Variants in PLPP4 observed in about 807,000 individuals in gnomAD.
PLPP4 encodes diacylglycerol pyrophosphate like 2.
Under a neutral mutation model 32.2 loss-of-function variants are expected in PLPP4, and 20 were observed. That is an observed-to-expected ratio of 0.62 (90% CI 0.44 to 0.90). PLPP4 has a LOEUF of 0.90. PLPP4 is among the 40% of genes least tolerant of loss of function. The probability of loss-of-function intolerance (pLI) is 0.00; values close to 1 mark genes in which losing one functional copy is unlikely to be tolerated. For synonymous variants in PLPP4, 127 were observed against 133.0 expected (o/e 0.95, Z 0.31); for missense variants, 257 against 353.1 (o/e 0.73, Z 2.18).
At chr10:120,521,612 A>G (rs567033850) in intron 5 of PLPP4, among the ~76,000 whole-genome samples, 1 of 152,346 alleles carries the variant, frequency 6.6e-6, no homozygotes, top group South Asian at 2.1e-4. Flanking sequence ...AATACTGTGA[A>G]TCAGAAGCCG....
intron 5 of PLPP4, among the ~76,000 whole-genome samples, chr10:120,573,190 A>G (rs2134047181): frequency 6.6e-6 from 1 of 152,314 alleles, no homozygotes; most frequent in African/African-American, 2.4e-5. Context: ...GAGGGTGCTA[A>G]TCATTACGCA....
intron 1 of PLPP4, among the ~76,000 whole-genome samples, chr10:120,494,171 A>G (rs374488626): frequency 6.6e-6 from 1 of 152,188 alleles, no homozygotes; most frequent in Admixed American, 6.5e-5. Context: ...ACAAGACATA[A>G]CATTGGGCCT....
upstream of PLPP4, chr10:120,457,056 C>T (rs1362016036): frequency 3.7e-5 from 7 of 189,644 alleles, 1 homozygote; most frequent in Admixed American, 6.2e-5. Context: ...GCCCCGGCTC[C>T]GCACTAGGAG....
At chr10:120,576,380 C>T (rs1421744300) in intron 6 of PLPP4, among the ~76,000 whole-genome samples, 2 of 152,156 alleles carry the variant, frequency 1.3e-5, no homozygotes, top group Non-Finnish European at 2.9e-5. Flanking sequence ...GCAGGACTGC[C>T]CTCTTCCTAC....
intron 1 of PLPP4, among the ~76,000 whole-genome samples, chr10:120,461,299 T>C (rs1848035818): frequency 1.3e-5 from 2 of 152,226 alleles, no homozygotes; most frequent in South Asian, 4.1e-4. Context: ...TTTTTGGCTG[T>C]CATCTCCCAG....
intron 5 of PLPP4, among the ~76,000 whole-genome samples, chr10:120,525,550 C>T (rs1437515693): frequency 6.6e-6 from 1 of 152,158 alleles, no homozygotes; most frequent in Non-Finnish European, 1.5e-5. Flanking sequence ...CGTTTTCCTC[C>T]AGGATGAAGG....
chr10:120,531,324 TC>T (rs1308452376), intron 5 of PLPP4, among the ~76,000 whole-genome samples: 1 of 152,188 alleles, frequency 6.6e-6, no homozygotes, highest in African/African-American at 2.4e-5. Flanking sequence ...CAGGATAGTC[TC>T]GATCTCTTGA....
chr10:120,539,673 G>T (rs1847243569), intron 5 of PLPP4, among the ~76,000 whole-genome samples: 1 of 152,032 alleles, frequency 6.6e-6, no homozygotes, highest in African/African-American at 2.4e-5. Context: ...TTTTCAGAAG[G>T]TAAAAGTTAT....
intron 2 of PLPP4, among the ~76,000 whole-genome samples, chr10:120,510,659 C>T (rs1571100): frequency 0.98 from 149,621 of 152,280 alleles, 73,540 homozygotes; most frequent in East Asian, 1. Context: ...GCTTACTCGC[C>T]TCATTCCTCC....
At chr10:120,501,930 A>G (rs939737955) in intron 1 of PLPP4, among the ~76,000 whole-genome samples, 1 of 152,188 alleles carries the variant, frequency 6.6e-6, no homozygotes, top group African/African-American at 2.4e-5. Flanking sequence ...AGCATGGAGT[A>G]GCTCAGTTGG....
Position 120,476,963 on chromosome 10 carries a change from C to T in PLPP4, c.56+19602C>T, listed in dbSNP as rs1843952788. On this transcript the variant is annotated intron_variant, in intron 1 of 6. Coordinates refer to ENST00000398250, the MANE Select transcript of PLPP4 (RefSeq NM_001030059.3). ...TTCCCTCTCCCAATGGTCTTCTTGT[C>T]ACCCTGACCTTGTCTTGCCTGTGAG... Among the ~76,000 whole-genome samples, 7 of 152,306 alleles carry T rather than the reference C, an allele frequency of 4.6e-5. No individual in the cohort carries two copies. In the South Asian group the frequency reaches 1.4e-3, roughly 32 times the overall value.
At chr10:120,502,978 A>G (rs1171362302) in intron 1 of PLPP4, among the ~76,000 whole-genome samples, 1 of 152,144 alleles carries the variant, frequency 6.6e-6, no homozygotes, top group Non-Finnish European at 1.5e-5. Context: ...ACTCCTGCCC[A>G]CAGGTTCTCC....
intron 1 of PLPP4, among the ~76,000 whole-genome samples, chr10:120,476,953 G>A (rs1415732204): frequency 6.6e-6 from 1 of 152,014 alleles, no homozygotes; most frequent in African/African-American, 2.4e-5. Context: ...TCTCCCAATG[G>A]TCTTCTTGTC....
chr10:120,520,918 TC>T (rs1287196001), intron 4 of PLPP4, 52 bp from the exon 5 acceptor site: 1 of 1,605,130 alleles, frequency 6.2e-7, no homozygotes, highest in African/African-American at 1.3e-5. Flanking sequence ...CAGCTTGGGG[TC>T]ATTTGTGATG....
At position 120,579,230 on chromosome 10, in the gene PLPP4, T is replaced by C. The variant is rs1199785007; in HGVS notation, c.616+3929T>C. On this transcript the variant is annotated intron_variant, in intron 6 of 6. Transcript: ENST00000398250. ...AAACACTTGTTCCTCTAATCATAGGTCATTTTAAGCAGCCCTGGGTGCCTG... is the reference window on the plus strand; with the variant it reads ...AAACACTTGTTCCTCTAATCATAGGCCATTTTAAGCAGCCCTGGGTGCCTG... Among the ~76,000 whole-genome samples the C allele has an allele frequency of 2.0e-5, 3 of 152,256 alleles. No individual in the cohort carries two copies. The East Asian group carries it at 5.8e-4, about 29-fold the overall frequency.
intron 5 of PLPP4, among the ~76,000 whole-genome samples, chr10:120,556,002 C>G (rs1005697818): frequency 4.6e-5 from 7 of 152,218 alleles, no homozygotes; most frequent in African/African-American, 1.7e-4. Context: ...CAGGACTGCC[C>G]CCCTCTGCTT....
chr10:120,537,277 A>T (rs1419348101), intron 5 of PLPP4, among the ~76,000 whole-genome samples: 1 of 152,246 alleles, frequency 6.6e-6, no homozygotes, highest in Non-Finnish European at 1.5e-5. Context: ...TAGCCAAGAT[A>T]TGGAAACACC....
intron 5 of PLPP4, among the ~76,000 whole-genome samples, chr10:120,525,222 C>T (rs914349369): frequency 1.3e-5 from 2 of 152,158 alleles, no homozygotes; most frequent in African/African-American, 2.4e-5. Flanking sequence ...TATTTATTAT[C>T]TGGCCCTTTA....
chr10:120,566,057 C>G (rs1367972835), intron 5 of PLPP4, among the ~76,000 whole-genome samples: 1 of 151,852 alleles, frequency 6.6e-6, no homozygotes, highest in Non-Finnish European at 1.5e-5. Flanking sequence ...TTTTATTATT[C>G]TTTTATAATG....
Sources: gnomAD v4.1 joint callset for allele counts (sites outside exome capture counted in the v4.1 genomes callset) on GRCh38, gnomAD v4.1.1 for gene constraint, MANE v1.5 for transcripts, NCBI Gene and HGNC (gene_info 2026-07-23, HGNC 2026-07-21) for gene names.